TFPI: variants seen among roughly 807,000 people sequenced by gnomAD.
The protein encoded by TFPI is tissue factor pathway inhibitor.
A neutral mutation model predicts 34.6 loss-of-function variants in TFPI; 15 were observed. The observed-to-expected ratio is 0.43, with a 90% confidence interval of 0.29 to 0.67. The LOEUF (loss-of-function observed/expected upper bound fraction) is 0.67, where lower values mean the gene tolerates loss of function less well. Among genes scored for constraint, TFPI ranks in the 30% least tolerant of loss-of-function variants. The probability of loss-of-function intolerance (pLI) is 0.15; values close to 1 mark genes in which losing one functional copy is unlikely to be tolerated. For missense variants in TFPI, 301 were observed against 364.0 expected (o/e 0.83, Z 1.41); for synonymous variants, 105 against 120.1 (o/e 0.87, Z 0.82).
At chr2:187,502,068 A>AT (rs1685888284) in intron 2 of TFPI, among the ~76,000 whole-genome samples, 1 of 152,236 alleles carries the variant, frequency 6.6e-6, no homozygotes, top group Non-Finnish European at 1.5e-5. Flanking sequence ...TAAGGTTATT[A>AT]TAAAAATTAA....
chr2:187,546,706 G>T (rs1223949766), intron 1 of TFPI: 3 of 152,106 alleles, frequency 2.0e-5, no homozygotes, highest in African/African-American at 7.2e-5. Flanking sequence ...TATTTTACCT[G>T]CTTTTTGTAT....
chr2:187,488,161 G>A (rs1255306258), intron 4 of TFPI, among the ~76,000 whole-genome samples, 176 bp downstream of exon 4: 2 of 151,230 alleles, frequency 1.3e-5, no homozygotes, highest in Non-Finnish European at 3.0e-5. Context: ...TCTGTCATAT[G>A]GGTTTATGAT....
At chr2:187,502,789 C>G (rs912264196) in intron 2 of TFPI, among the ~76,000 whole-genome samples, 1 of 152,144 alleles carries the variant, frequency 6.6e-6, no homozygotes, top group Non-Finnish European at 1.5e-5. Context: ...ACCTGTTTCT[C>G]TAGCACCTTC....
At chr2:187,510,487 T>C (rs1274116968) in intron 1 of TFPI, among the ~76,000 whole-genome samples, 1 of 152,194 alleles carries the variant, frequency 6.6e-6, no homozygotes, top group East Asian at 1.9e-4. Flanking sequence ...AACACCCTTC[T>C]ACTAAGAGAG....
In TFPI at chr2:187,510,754, C is replaced by A. The variant is rs1057155219; in HGVS notation, c.-2-6984G>T. Reference sequence around the variant, plus strand: ...GGTGCATGCAGCCCCCAGTCACGTACCCCCTGCTTGCTCAATCAATCACGA... The same window carrying A: ...GGTGCATGCAGCCCCCAGTCACGTAACCCCTGCTTGCTCAATCAATCACGA... On this transcript the variant is annotated intron_variant, in intron 1 of 7. Transcript: ENST00000233156. Among the ~76,000 whole-genome samples the A allele has an allele frequency of 5.3e-5, 8 of 152,136 alleles. No individual in the cohort carries two copies. The East Asian group carries it at 1.4e-3, about 26-fold the overall frequency.
chr2:187,488,835 T>G (rs1320339950), intron 3 of TFPI, among the ~76,000 whole-genome samples: 1 of 151,498 alleles, frequency 6.6e-6, no homozygotes, highest in African/African-American at 2.4e-5. Flanking sequence ...CTCAATCCAA[T>G]TGCAAGTTTC....
intron 2 of TFPI, among the ~76,000 whole-genome samples, chr2:187,500,762 C>A (rs1411307114): frequency 1.3e-5 from 2 of 152,138 alleles, no homozygotes; most frequent in East Asian, 1.9e-4. Flanking sequence ...AGCACAGCAT[C>A]CCTGGACTCA....
intron 1 of TFPI, among the ~76,000 whole-genome samples, chr2:187,526,463 TG>T (rs2106235514): frequency 6.6e-6 from 1 of 152,048 alleles, no homozygotes; most frequent in South Asian, 2.1e-4. Context: ...ATTTATGGGA[TG>T]AAAAAAAAGA....
At chr2:187,510,689 T>C (rs1279515968) in intron 1 of TFPI, among the ~76,000 whole-genome samples, 1 of 152,196 alleles carries the variant, frequency 6.6e-6, no homozygotes, top group Non-Finnish European at 1.5e-5. Flanking sequence ...GGAAAAGCAC[T>C]GTGACAATCT....
chr2:187,481,766 A>G (rs1458711458), intron 6 of TFPI, among the ~76,000 whole-genome samples: 1 of 152,054 alleles, frequency 6.6e-6, no homozygotes, highest in Non-Finnish European at 1.5e-5. Context: ...AATCAAAAAT[A>G]AAACAGTTTT....
intron 1 of TFPI, chr2:187,514,769 C>G (rs1480101954): frequency 1.3e-5 from 2 of 152,214 alleles, no homozygotes; most frequent in Middle Eastern, 3.2e-3. Flanking sequence ...GTGAGAGAAG[C>G]CCCTTATGGG....
chr2:187,467,781 T>C lies in TFPI; in HGVS notation c.780A>G (p.Lys260=), dbSNP rs147913988. The C allele has an allele frequency of 1.7e-4, 274 of 1,610,784 alleles. No homozygotes were observed. The highest frequency in any genetic ancestry group is 2.3e-4 in the Non-Finnish European group (266 of 1,178,514). The change falls in exon 7 of 8, where the codon AAA becomes AAG. Residue 260 remains lysine (K), a synonymous_variant. Coordinates refer to ENST00000233156, the MANE Select transcript of TFPI (RefSeq NM_006287.6). ...CGGNENNFTS[K]QECLRACKKG... ...TTTTACATGCCCTCAGACATTCTTG[T>C]TTGGAAGTAAAATTGTTTTCATTTC...
chr2:187,479,159 AG>A (rs1474489197), intron 6 of TFPI, among the ~76,000 whole-genome samples: 1 of 152,208 alleles, frequency 6.6e-6, no homozygotes, highest in East Asian at 1.9e-4. Flanking sequence ...GATAATGAAA[AG>A]GCCAATTTGA....
intron 1 of TFPI, among the ~76,000 whole-genome samples, chr2:187,542,635 C>T (rs1559158861): frequency 6.6e-6 from 1 of 151,942 alleles, no homozygotes; most frequent in South Asian, 2.1e-4. Context: ...CTTTGGGAGG[C>T]CAAAGTGGCT....
At chr2:187,551,430 G>A (rs984648321) in intron 1 of TFPI, among the ~76,000 whole-genome samples, 8 of 152,146 alleles carry the variant, frequency 5.3e-5, no homozygotes, top group African/African-American at 1.9e-4. Flanking sequence ...TCGGTTTGAG[G>A]AAGAAGAAAA....
chr2:187,540,091 C>T (rs1038330918), intron 1 of TFPI, among the ~76,000 whole-genome samples: 3 of 151,978 alleles, frequency 2.0e-5, no homozygotes, highest in Admixed American at 6.6e-5. Flanking sequence ...TTAGTATAGA[C>T]GGGGTTTCAC....
intron 6 of TFPI, among the ~76,000 whole-genome samples, chr2:187,479,548 T>TAC (rs1692673923): frequency 7.1e-5 from 1 of 14,170 alleles, no homozygotes; most frequent in African/African-American, 2.2e-4. Flanking sequence ...ATCACGTTCA[T>TAC]ATATATATAT....
intron 4 of TFPI, among the ~76,000 whole-genome samples, chr2:187,485,488 T>G (rs940617119): frequency 6.6e-6 from 1 of 151,732 alleles, no homozygotes; most frequent in Non-Finnish European, 1.5e-5. Context: ...ATGGCTAGCC[T>G]TAGAAGTTCC....
At chr2:187,496,168 A>G (rs1685460594) in intron 3 of TFPI, among the ~76,000 whole-genome samples, 1 of 152,100 alleles carries the variant, frequency 6.6e-6, no homozygotes, top group African/African-American at 2.4e-5. Flanking sequence ...GTCATCAGGG[A>G]TGATTTTTCT....
Sources: allele counts gnomAD v4.1 joint callset (sites outside exome capture counted in the v4.1 genomes callset), GRCh38; gene constraint gnomAD v4.1.1; transcripts MANE v1.5; gene names NCBI Gene and HGNC (gene_info 2026-07-23, HGNC 2026-07-21).